TEX14: variants seen among roughly 807,000 people sequenced by gnomAD.
TEX14 encodes the protein inactive serine/threonine-protein kinase TEX14.
A neutral mutation model predicts 178.6 loss-of-function variants in TEX14; 168 were observed. The ratio of observed to expected loss-of-function variants is 0.94; its 90% CI spans 0.83 to 1.07. The LOEUF (loss-of-function observed/expected upper bound fraction) is 1.07. Among genes scored for constraint, TEX14 ranks in the 50% least tolerant of loss-of-function variants. The pLI is 0.00. For missense variants in TEX14, 1,730 were observed against 1,753.6 expected (o/e 0.99, Z 0.24); for synonymous variants, 626 against 634.1 (o/e 0.99, Z 0.19).
At chr17:58,650,936 A>G (rs980723508) in intron 2 of TEX14, among the ~76,000 whole-genome samples, 1 of 152,210 alleles carries the variant, frequency 6.6e-6, no homozygotes, top group Non-Finnish European at 1.5e-5. Flanking sequence ...CTCCCCTTCA[A>G]TACTAAGAAA....
chr17:58,601,075 C>T (rs895548016), intron 13 of TEX14, among the ~76,000 whole-genome samples: 1 of 151,618 alleles, frequency 6.6e-6, no homozygotes, highest in African/African-American at 2.4e-5. Context: ...ATAATGAGAC[C>T]TCATCTCTAA....
At chr17:58,631,216 C>A in intron 2 of TEX14, 2 of 857,304 alleles carry the variant, frequency 2.3e-6, no homozygotes, top group Non-Finnish European at 2.8e-6. Flanking sequence ...AATGCCAGCT[C>A]TTTGGGAAGC....
intron 2 of TEX14, among the ~76,000 whole-genome samples, chr17:58,639,469 G>A (rs1011615494): frequency 1.3e-5 from 2 of 152,114 alleles, no homozygotes; most frequent in African/African-American, 4.8e-5. Flanking sequence ...GGGAGGCCAA[G>A]GCGGGAGGAT....
At chr17:58,559,382 T>C in intron 30 of TEX14, 71 bp downstream of exon 30, 1 of 683,512 alleles carries the variant, frequency 1.5e-6, no homozygotes, top group Non-Finnish European at 2.6e-6. Context: ...GGGAAACATT[T>C]CTAAATAACT....
At chr17:58,651,271 G>A (rs1162515824) in intron 2 of TEX14, among the ~76,000 whole-genome samples, 1 of 152,106 alleles carries the variant, frequency 6.6e-6, no homozygotes, top group African/African-American at 2.4e-5. Context: ...GTGAGACTCT[G>A]TCTCCAAAAG....
chr17:58,628,658 G>A (rs2046206863), intron 3 of TEX14, among the ~76,000 whole-genome samples: 1 of 151,836 alleles, frequency 6.6e-6, no homozygotes, highest in South Asian at 2.1e-4. Flanking sequence ...ATTGCAATGA[G>A]CCGAGATTGC....
chr17:58,619,324 G>A (rs1043695634), intron 5 of TEX14, among the ~76,000 whole-genome samples: 7 of 152,054 alleles, frequency 4.6e-5, no homozygotes. Flanking sequence ...TATATAACTC[G>A]GCTGGGTTAA....
chr17:58,656,438 C>CT (rs1332010901), intron 1 of TEX14, among the ~76,000 whole-genome samples: 1 of 149,132 alleles, frequency 6.7e-6, no homozygotes, highest in Non-Finnish European at 1.5e-5. Context: ...GAGCAAGACT[C>CT]TGTCTCAAAA....
At chr17:58,645,535 T>A (rs756851058) in intron 2 of TEX14, among the ~76,000 whole-genome samples, 1 of 152,086 alleles carries the variant, frequency 6.6e-6, no homozygotes, top group Non-Finnish European at 1.5e-5. Flanking sequence ...ATTTTTTGTA[T>A]TTTTAGTAGA....
intron 1 of TEX14, among the ~76,000 whole-genome samples, chr17:58,669,932 C>T (rs983390894): frequency 6.6e-6 from 1 of 152,162 alleles, no homozygotes; most frequent in Non-Finnish European, 1.5e-5. Flanking sequence ...CTCCATCCCA[C>T]GCTCCTTGAG....
intron 6 of TEX14, 63 bp from the exon 7 acceptor site, chr17:58,616,368 A>G: frequency 6.4e-7 from 1 of 1,571,992 alleles, no homozygotes; most frequent in Non-Finnish European, 8.6e-7. Context: ...TACATCCAGA[A>G]TCTTATCAGC....
At chr17:58,560,727 G>A (rs1368339034) in intron 29 of TEX14, among the ~76,000 whole-genome samples, 1 of 152,162 alleles carries the variant, frequency 6.6e-6, no homozygotes, top group East Asian at 1.9e-4. Context: ...ACCTCTGACT[G>A]TTCTGTAGCC....
intron 19 of TEX14, 110 bp from the exon 20 acceptor site, chr17:58,579,841 C>T (rs1392746080): frequency 1.0e-5 from 9 of 860,810 alleles, no homozygotes; most frequent in Middle Eastern, 2.3e-4. Context: ...TCATAAGATC[C>T]CTGCATCTTT....
intron 2 of TEX14, among the ~76,000 whole-genome samples, chr17:58,637,406 C>T (rs565311079): frequency 6.6e-6 from 1 of 152,312 alleles, no homozygotes; most frequent in South Asian, 2.1e-4. Context: ...CAGCTGGTCA[C>T]TGGAAAGACC....
chr17:58,598,481 AT>A (rs1435957873), intron 14 of TEX14, among the ~76,000 whole-genome samples: 1 of 152,214 alleles, frequency 6.6e-6, no homozygotes, highest in East Asian at 1.9e-4. Context: ...ATACTTGACC[AT>A]TTTAACTAAT....
chr17:58,561,700 G>T, intron 28 of TEX14, 88 bp from the exon 29 acceptor site: 1 of 875,432 alleles, frequency 1.1e-6, no homozygotes, highest in Middle Eastern at 2.2e-4. Flanking sequence ...AGTAGAAAGG[G>T]ACCTTAAAAC....
At chr17:58,691,574 GGA>G (rs2047724946) in intron 1 of TEX14, among the ~76,000 whole-genome samples, 1 of 150,374 alleles carries the variant, frequency 6.7e-6, no homozygotes, top group African/African-American at 2.5e-5. Context: ...GGCTGAGGCA[GGA>G]GACTCACTTG....
At chr17:58,660,509 G>C (rs1460941929) in intron 1 of TEX14, 1 of 713,494 alleles carries the variant, frequency 1.4e-6, no homozygotes, top group African/African-American at 1.8e-5. Flanking sequence ...CTCAGGGAGG[G>C]GAAGGCTGCA....
chr17:58,609,298 A>G (rs1487765081), intron 10 of TEX14, among the ~76,000 whole-genome samples: 1 of 151,946 alleles, frequency 6.6e-6, no homozygotes, highest in Admixed American at 6.6e-5. Context: ...TTTAGTAGAG[A>G]CGGGGTTTCA....
Sources: allele counts gnomAD v4.1 joint callset (sites outside exome capture counted in the v4.1 genomes callset), GRCh38; gene constraint gnomAD v4.1.1; transcripts MANE v1.5; gene names NCBI Gene and HGNC (gene_info 2026-07-23, HGNC 2026-07-21).